MMEL1: variants seen among roughly 807,000 people sequenced by gnomAD.
MMEL1 encodes the protein membrane metalloendopeptidase like 1, also known as membrane metallo-endopeptidase-like 1.
MMEL1 carries 98 observed loss-of-function variants against 117.1 expected under a neutral mutation model. The ratio of observed to expected loss-of-function variants is 0.84; its 90% confidence interval spans 0.71 to 0.99. The LOEUF is 0.99. Among genes scored for constraint, MMEL1 ranks in the 50% least tolerant of loss-of-function variants. The pLI is 0.00. For synonymous variants in MMEL1, 390 were observed against 415.1 expected, an observed-to-expected ratio of 0.94 and a Z score of 0.74; for missense variants, 1,014 against 1,049.1, an observed-to-expected ratio of 0.97 and a Z score of 0.46.
chr1:2,604,122 T>TGCCCCCC, intron 10 of MMEL1, 25 bp downstream of exon 10: 2 of 1,357,430 alleles, frequency 1.5e-6, no homozygotes, highest in South Asian at 1.2e-5. Context: ...CGCTGCCCGC[T>TGCCCCCC]CCCCACCCGC....
intron 11 of MMEL1, among the ~76,000 whole-genome samples, chr1:2,601,612 T>C (rs1220359557): frequency 6.6e-6 from 1 of 152,172 alleles, no homozygotes; most frequent in Non-Finnish European, 1.5e-5. Flanking sequence ...AAGAAACCCT[T>C]ATGAGAGTAA....
chr1:2,591,773 G>C lies in MMEL1; in HGVS notation c.2164-140C>G, dbSNP rs876938. On this transcript the variant is annotated intron_variant, in intron 22 of 23. Transcript: ENST00000378412. ...AGCAGGTGCTCCCCTCCTCCCATCA[G>C]CATTGAAATCCTGTCCAGCTCCCGC... is the stretch of plus-strand genomic sequence containing the variant. The C allele has an allele frequency of 0.37, 372,924 of 1,016,500 alleles. 72,597 individuals carry two copies. The highest frequency in any genetic ancestry group is 0.56 in the African/African-American group (35,657 of 63,330). The allele number at this position is 1,016,500 out of a possible 1,614,324, so 63.0% of individuals were successfully genotyped here. A position where few individuals can be genotyped will look rare whatever the true frequency, so the allele number is the denominator to read the frequency against.
chr1:2,615,715 T>C (rs1382222569), intron 2 of MMEL1, among the ~76,000 whole-genome samples: 1 of 152,234 alleles, frequency 6.6e-6, no homozygotes, highest in Non-Finnish European at 1.5e-5. Context: ...GGGATTTCTG[T>C]ACTATTTTGC....
Position 2,609,799 on chromosome 1 carries a change from T to C in MMEL1, c.325A>G (p.Thr109Ala). ...TGGTAGAAGTCGTCACACGGTTCCG[T>C]GGTCGGGTCCATGTTCTGGAGGATC... ...ARILQNMDPT[T>A]EPCDDFYQFA... Residue 109 changes from threonine to alanine, a missense_variant, in exon 5 of 24, where the codon ACG (threonine) becomes GCG (alanine). Thr to Ala is a moderately conservative substitution (Grantham distance 58). Coordinates refer to ENST00000378412, the MANE Select transcript of MMEL1 (RefSeq NM_033467.4). The C allele has an allele frequency of 6.2e-7, 1 of 1,612,980 alleles. No homozygotes were observed. The highest frequency in any genetic ancestry group is 1.7e-4 in the Middle Eastern group (1 of 6,056).
chr1:2,602,984 G>A (rs1644958432), intron 11 of MMEL1, among the ~76,000 whole-genome samples: 1 of 152,218 alleles, frequency 6.6e-6, no homozygotes, highest in African/African-American at 2.4e-5. Flanking sequence ...AGGGGATAAA[G>A]CCCAGTGCCA....
chr1:2,612,001 A>C lies in MMEL1; in HGVS notation c.232+126T>G. 1 of 823,204 alleles carries C rather than the reference A, an allele frequency of 1.2e-6. No individual in the cohort carries two copies. The highest frequency in any genetic ancestry group is 1.6e-5 in the South Asian group (1 of 61,636). 51.0% of individuals were successfully genotyped at this position (823,204 alleles called of 1,614,324 possible). On this transcript the variant is annotated intron_variant, in intron 3 of 23. Coordinates refer to ENST00000378412, the MANE Select transcript of MMEL1 (RefSeq NM_033467.4). The surrounding 1 kb of genome is among the most constrained non-coding windows in gnomAD (Gnocchi z 5.4). ...AGGTCCCTGCCACTGTCCTCTCCCC[A>C]TGGCCCTCCTCCGGCACATGAGGGT...
intron 4 of MMEL1, 25 bp downstream of exon 4, chr1:2,611,256 T>C (rs369040365): frequency 1.1e-4 from 166 of 1,567,386 alleles, no homozygotes; most frequent in East Asian, 4.1e-4. Flanking sequence ...GGGCAGGCTG[T>C]GGACGGCAAG....
chr1:2,602,706 G>A (rs758445812), intron 11 of MMEL1, among the ~76,000 whole-genome samples: 11 of 152,246 alleles, frequency 7.2e-5, no homozygotes, highest in Middle Eastern at 3.4e-3. Context: ...GGCATCCCCC[G>A]CTTTACTTCC....
Position 2,595,196 on chromosome 1 carries a change from T to G in MMEL1, c.1584+80A>C. ...GCGCCTGGGAGGAGGGCACAGAGCTTGGCACAGAGGAGCCCCCAGGCAATC... is the reference window on the plus strand; with the variant it reads ...GCGCCTGGGAGGAGGGCACAGAGCTGGGCACAGAGGAGCCCCCAGGCAATC... On this transcript the variant is annotated intron_variant, in intron 16 of 23. Transcript: ENST00000378412. The surrounding 1 kb of genome is among the most constrained non-coding windows in gnomAD (Gnocchi z 4.8). The G allele has an allele frequency of 7.6e-7, 1 of 1,322,116 alleles. No individual in the cohort carries two copies. Among genetic ancestry groups the G allele is most frequent in the East Asian group, 2.3e-5 (1 of 43,106 alleles). The allele number at this position is 1,322,116 out of a possible 1,614,324, so 81.9% of individuals were successfully genotyped here.
intron 2 of MMEL1, among the ~76,000 whole-genome samples, chr1:2,613,333 A>G (rs1645157956): frequency 2.0e-5 from 3 of 152,216 alleles, no homozygotes; most frequent in Admixed American, 6.5e-5. Context: ...GGTGTTTGCC[A>G]ATTGCAGTAA....
At chr1:2,603,137 C>T (rs974373899) in intron 11 of MMEL1, among the ~76,000 whole-genome samples, 1 of 152,190 alleles carries the variant, frequency 6.6e-6, no homozygotes, top group Non-Finnish European at 1.5e-5. Context: ...GCGAGGCTCT[C>T]CCCAGAGTCT....
chr1:2,598,407 T>C, intron 12 of MMEL1, 107 bp from the exon 13 acceptor site: 2 of 1,281,660 alleles, frequency 1.6e-6, no homozygotes, highest in Admixed American at 2.0e-5. Context: ...CAGAGAGTTA[T>C]GGGTGCTGGA....
At chr1:2,629,825 C>G (rs531267714) in intron 1 of MMEL1, 4 of 224,158 alleles carry the variant, frequency 1.8e-5, no homozygotes, top group East Asian at 1.9e-4. Flanking sequence ...GTGGAGCCCC[C>G]CCCCTGGGCT....
Position 2,595,345 on chromosome 1 carries a change from C to T in MMEL1, c.1515G>A (p.Arg505=). 1 of 1,613,904 alleles carries T rather than the reference C, an allele frequency of 6.2e-7. No individual in the cohort carries two copies. Among genetic ancestry groups the T allele is most frequent in the Non-Finnish European group, 8.5e-7 (1 of 1,179,992 alleles). Residue 505 remains arginine, a synonymous_variant, in exon 16 of 24, where the codon CGG becomes CGA. Coordinates refer to ENST00000378412, the MANE Select transcript of MMEL1 (RefSeq NM_033467.4). This position sits in a 1 kb window ranked among gnomAD's most constrained non-coding sequence, Gnocchi z 4.8. The stretch of plus-strand genomic sequence containing the variant: ...TGTAGTCAGGGTGCCCGATCTGCTC[C>T]CGGATGCTCATGGCCTGAGTGGGGA... ...KKAQEKAMSI[R]EQIGHPDYIL... is the part of the protein sequence containing the mutation.
chr1:2,632,754 C>A (rs1244424469), intron 1 of MMEL1, 112 bp downstream of exon 1: 1 of 660,290 alleles, frequency 1.5e-6, no homozygotes, highest in African/African-American at 2.0e-5. Context: ...TGCCCAGCCT[C>A]CTGAGAAAGG....
At chr1:2,597,961 G>C (rs1644871118) in intron 13 of MMEL1, among the ~76,000 whole-genome samples, 1 of 152,120 alleles carries the variant, frequency 6.6e-6, no homozygotes, top group Admixed American at 6.5e-5. Context: ...CGCCTCCCCG[G>C]AGCAGTGCTC....
intron 1 of MMEL1, among the ~76,000 whole-genome samples, chr1:2,630,501 C>G (rs755076562): frequency 1.6e-4 from 24 of 151,280 alleles, no homozygotes; most frequent in African/African-American, 3.4e-4. Flanking sequence ...TGTGCGTGTG[C>G]TCTCGTGTGT....
chr1:2,605,046 C>G (rs137885823), intron 9 of MMEL1, among the ~76,000 whole-genome samples: 1 of 152,306 alleles, frequency 6.6e-6, no homozygotes, highest in African/African-American at 2.4e-5. Flanking sequence ...CACCTCTGCC[C>G]TGGTGCTGGA....
rs943575770 is a variant in MMEL1, at chr1:2,629,358, A to G, written c.127T>C (p.Leu43=). 20 of 1,542,990 alleles carry G rather than the reference A, an allele frequency of 1.3e-5. No homozygotes were observed. The highest frequency in any genetic ancestry group is 1.7e-5 in the Non-Finnish European group (20 of 1,145,908). Residue 43 remains leucine (L), a synonymous_variant, in exon 2 of 24, where the codon TTG becomes CTG. Transcript: ENST00000378412. ...LLLVTAALVA[L]GVLYADRRGK... is the part of the protein sequence containing the mutation. ...CTGCGGTCGGCGTAGAGGACACCCA[A>G]GGCCACCAGGGCAGCGGTCACCAGC...
Sources: gnomAD v4.1 joint callset for allele counts (sites outside exome capture counted in the v4.1 genomes callset) on GRCh38, gnomAD v4.1.1 for gene constraint, Gnocchi (gnomAD v3.1) non-coding constraint, MANE v1.5 for transcripts, NCBI Gene and HGNC (gene_info 2026-07-23, HGNC 2026-07-21) for gene names.